EEA1: variants seen among roughly 807,000 people sequenced by gnomAD.
The protein encoded by EEA1 is early endosome antigen 1, 162kD.
In EEA1, 111 loss-of-function variants were observed where a neutral mutation model predicts 209.2. The ratio of observed to expected loss-of-function variants is 0.53; its 90% CI spans 0.45 to 0.62. The LOEUF (loss-of-function observed/expected upper bound fraction) is 0.62. EEA1 is among the 20% of genes least tolerant of loss of function. The probability of loss-of-function intolerance (pLI) is 0.00; values close to 1 mark genes in which losing one functional copy is unlikely to be tolerated. For missense variants in EEA1, 1,343 were observed against 1,530.8 expected (o/e 0.88, Z 2.05); for synonymous variants, 536 against 540.6 (o/e 0.99, Z 0.12).
At chr12:92,909,885 G>A (rs1323928107) in intron 1 of EEA1, among the ~76,000 whole-genome samples, 1 of 152,224 alleles carries the variant, frequency 6.6e-6, no homozygotes, top group Non-Finnish European at 1.5e-5. Flanking sequence ...GCTCACGCCT[G>A]TAATCCCAGC....
chr12:92,851,106 A>G lies in EEA1; in HGVS notation c.798+5T>C, dbSNP rs759149182. 2 of 1,613,146 alleles carry G rather than the reference A, an allele frequency of 1.2e-6. No individual in the cohort carries two copies. Among genetic ancestry groups the G allele is most frequent in the Admixed American group, 3.3e-5 (2 of 59,890 alleles). The stretch of plus-strand genomic sequence containing the variant: ...ATCACATTTAAGTACAATGAACTTC[A>G]TTACCTCTGAGCTAGCATATTGTGA... On this transcript the variant is annotated splice_donor_5th_base_variant and intron_variant, in intron 9 of 28. Coordinates refer to ENST00000322349, the MANE Select transcript of EEA1 (RefSeq NM_003566.4).
At chr12:92,855,431 CAAA>C (rs56959398) in intron 5 of EEA1, among the ~76,000 whole-genome samples, 7 of 96,138 alleles carry the variant, frequency 7.3e-5, no homozygotes, top group Admixed American at 3.5e-4. Context: ...GACTCTGTCT[CAAA>C]AAAAAAAAAA....
In EEA1 at chr12:92,774,459, ATT is replaced by A. The variant is rs1445826911; in HGVS notation, c.*1550_*1551del. On this transcript the variant is annotated 3_prime_UTR_variant, in exon 29 of 29. Transcript: ENST00000322349. ...TATTAAGAACTATTATAAATGAAAT[ATT>A]AACTACTGTTATAAAATGATTGCAC... 3 of 151,678 alleles carry A rather than the reference ATT, an allele frequency of 2.0e-5. No individual in the cohort carries two copies. Among genetic ancestry groups the A allele is most frequent in the Non-Finnish European group, 3.0e-5 (2 of 67,614 alleles). 9.4% of individuals were successfully genotyped at this position (151,678 alleles called of 1,614,324 possible). A position where few individuals can be genotyped will look rare whatever the true frequency, so the allele number is the denominator to read the frequency against.
intron 2 of EEA1, among the ~76,000 whole-genome samples, chr12:92,867,868 G>C (rs1057056801): frequency 0.057 from 71 of 1,236 alleles, 2 homozygotes; most frequent in South Asian, 0.34. Context: ...GTGTGTGTGA[G>C]AGAGAGAGAG....
chr12:92,785,814 A>G (rs529506420), intron 22 of EEA1, among the ~76,000 whole-genome samples: 2 of 152,320 alleles, frequency 1.3e-5, no homozygotes, highest in East Asian at 3.9e-4. Context: ...GTCCCTTAAC[A>G]GTTGTAAAAC....
At chr12:92,842,167 A>T (rs949949737) in intron 10 of EEA1, among the ~76,000 whole-genome samples, 16 of 152,146 alleles carry the variant, frequency 1.1e-4, no homozygotes, top group Admixed American at 4.6e-4. Context: ...CAAATACTGT[A>T]TGGTTCTATT....
chr12:92,775,956 C>T lies in EEA1; in HGVS notation c.*55G>A. On this transcript the variant is annotated 3_prime_UTR_variant, in exon 29 of 29. Coordinates refer to ENST00000322349, the MANE Select transcript of EEA1 (RefSeq NM_003566.4). The stretch of plus-strand genomic sequence containing the variant: ...AGTAGTCCAAGACCTCTATTAAGTA[C>T]ATTTATTAAAAATCTAATGTTAGTG... The T allele has an allele frequency of 1.3e-6, 2 of 1,579,258 alleles. No homozygotes were observed. The highest frequency in any genetic ancestry group is 1.4e-5 in the African/African-American group (1 of 73,818).
At chr12:92,798,462 C>T (rs538334096) in intron 21 of EEA1, among the ~76,000 whole-genome samples, 109 of 151,882 alleles carry the variant, frequency 7.2e-4, no homozygotes, top group African/African-American at 2.6e-3. Flanking sequence ...GCTGGGATTA[C>T]AGGAATGCAC....
In EEA1 at chr12:92,809,025, C is replaced by T. The variant is rs7970286; in HGVS notation, c.2331G>A (p.Glu777=). The change falls in exon 18 of 29, where the codon GAG becomes GAA. Residue 777 remains glutamate, a synonymous_variant. Transcript: ENST00000322349. ...AAAGTGGTTTAGCTTACATTTCCTT[C>T]TCCATTTCAAGTTGTTTACTCAATT... ...ATELSKQLEM[E]KEIVSSTRLD... The T allele has an allele frequency of 0.38, 596,003 of 1,585,864 alleles. 124,165 individuals carry two copies. Among genetic ancestry groups the T allele is most frequent in the East Asian group, 0.92 (40,143 of 43,596 alleles).
chr12:92,898,627 G>A (rs867157444), intron 1 of EEA1, among the ~76,000 whole-genome samples: 17 of 144,596 alleles, frequency 1.2e-4, no homozygotes, highest in Admixed American at 4.9e-4. Flanking sequence ...TCGTGCCACC[G>A]CACTCCAGCC....
At chr12:92,859,203 G>C in intron 3 of EEA1, 2 of 1,613,168 alleles carry the variant, frequency 1.2e-6, no homozygotes, top group Middle Eastern at 1.7e-4. Context: ...CAATTTATCA[G>C]AGGACTGCAG....
chr12:92,875,660 A>G (rs1027612526), intron 2 of EEA1, among the ~76,000 whole-genome samples: 2 of 152,098 alleles, frequency 1.3e-5, no homozygotes, highest in Non-Finnish European at 2.9e-5. Context: ...TGCAAATCAA[A>G]TCTTGTCGTT....
chr12:92,832,221 T>TA lies in EEA1; in HGVS notation c.1254+290dup, dbSNP rs376484481. ...AACAATTCAAATTAATTATAATAGC[T>TA]AAAATCTAGTGAGTACCTACACGCC... On this transcript the variant is annotated intron_variant, in intron 11 of 28. Transcript: ENST00000322349. Among the ~76,000 whole-genome samples the TA allele has an allele frequency of 3.2e-3, 486 of 152,144 alleles. 2 individuals are homozygous for TA. The highest frequency in any genetic ancestry group is 0.011 in the African/African-American group (464 of 41,504).
At chr12:92,851,058 A>G (rs748433338) in intron 9 of EEA1, 53 bp downstream of exon 9, 17 of 1,568,242 alleles carry the variant, frequency 1.1e-5, no homozygotes, top group Non-Finnish European at 1.3e-5. Flanking sequence ...ACTCAATAGT[A>G]TACACTACAC....
chr12:92,891,210 T>C (rs554056722), intron 2 of EEA1, among the ~76,000 whole-genome samples: 10 of 152,154 alleles, frequency 6.6e-5, no homozygotes, highest in Admixed American at 6.5e-4. Flanking sequence ...ATAATGTCTT[T>C]AATATCAAAG....
At chr12:92,850,588 G>T (rs1017338496) in intron 9 of EEA1, among the ~76,000 whole-genome samples, 1 of 150,424 alleles carries the variant, frequency 6.6e-6, no homozygotes, top group African/African-American at 2.5e-5. Context: ...TACTTGGGAG[G>T]CTGAGGCAGA....
At chr12:92,839,393 C>T (rs1228951879) in intron 10 of EEA1, among the ~76,000 whole-genome samples, 1 of 152,154 alleles carries the variant, frequency 6.6e-6, no homozygotes, top group Non-Finnish European at 1.5e-5. Context: ...AATTTGAGCA[C>T]AGTATCAAAT....
At chr12:92,901,827 C>T (rs1880156387) in intron 1 of EEA1, among the ~76,000 whole-genome samples, 1 of 152,104 alleles carries the variant, frequency 6.6e-6, no homozygotes, top group African/African-American at 2.4e-5. Context: ...CCTCAGCCTC[C>T]TAAGGTGCTG....
At chr12:92,880,961 G>C (rs1032321535) in intron 2 of EEA1, among the ~76,000 whole-genome samples, 3 of 152,188 alleles carry the variant, frequency 2.0e-5, no homozygotes, top group African/African-American at 4.8e-5. Context: ...ATGACAGACT[G>C]ATGAGTTCTT....
Sources: gnomAD v4.1 joint callset for allele counts (sites outside exome capture counted in the v4.1 genomes callset) on GRCh38, gnomAD v4.1.1 for gene constraint, MANE v1.5 for transcripts, NCBI Gene and HGNC (gene_info 2026-07-23, HGNC 2026-07-21) for gene names.